Variants in ATXN8OS observed in about 807,000 individuals in gnomAD.
ATXN8OS encodes ATXN8 opposite strand lncRNA.
chr13:70,166,573 C>A (rs997355245), intron 4 of ATXN8OS, among the ~76,000 whole-genome samples: 20 of 152,004 alleles, frequency 1.3e-4, no homozygotes, highest in Non-Finnish European at 2.2e-4. Flanking sequence ...TAGAAGAAAA[C>A]GTAGGCAATA....
At chr13:70,163,039 T>A (rs1006154518) in intron 4 of ATXN8OS, among the ~76,000 whole-genome samples, 1 of 152,044 alleles carries the variant, frequency 6.6e-6, no homozygotes, top group Non-Finnish European at 1.5e-5. Context: ...CTCCCTTTTT[T>A]TTCCCATTTT....
intron 3 of ATXN8OS, among the ~76,000 whole-genome samples, chr13:70,132,187 A>G (rs1165719368): frequency 6.6e-6 from 1 of 152,148 alleles, no homozygotes; most frequent in Non-Finnish European, 1.5e-5. Context: ...TTACTGGACT[A>G]TTCACAATAG....
intron 2 of ATXN8OS, among the ~76,000 whole-genome samples, chr13:70,124,055 T>A (rs1332981461): frequency 6.6e-6 from 1 of 152,130 alleles, no homozygotes; most frequent in Non-Finnish European, 1.5e-5. Context: ...GAAAAGCATT[T>A]GTTATTAAAT....
At chr13:70,123,287 C>A (rs1208499252) in intron 2 of ATXN8OS, among the ~76,000 whole-genome samples, 1 of 152,048 alleles carries the variant, frequency 6.6e-6, no homozygotes, top group Admixed American at 6.6e-5. Context: ...TAACAATAAA[C>A]TCTTTAATGG....
chr13:70,147,795 A>C lies in ATXN8OS; in HGVS notation n.573+367A>C, dbSNP rs113921863. Among the ~76,000 whole-genome samples the C allele has an allele frequency of 6.6e-5, 10 of 152,252 alleles. 1 individual carries two copies. The highest frequency in any genetic ancestry group is 2.4e-4 in the African/African-American group (10 of 41,542). On this transcript the variant is annotated intron_variant and non_coding_transcript_variant, in intron 4 of 4. Transcript: ENST00000678624. ...CGGGAGGTCCTGAGAACATGTGCCC[A>C]AGATGATACAGCCTCGGGAGGTTCT... is the stretch of plus-strand genomic sequence containing the variant.
intron 4 of ATXN8OS, among the ~76,000 whole-genome samples, chr13:70,148,348 G>GC (rs1888817381): frequency 6.6e-6 from 1 of 151,416 alleles, no homozygotes; most frequent in Admixed American, 6.6e-5. Flanking sequence ...TCCATCAAGA[G>GC]TCGGGTTGGA....
intron 4 of ATXN8OS, among the ~76,000 whole-genome samples, chr13:70,148,130 A>C (rs1245943624): frequency 6.6e-6 from 1 of 152,124 alleles, no homozygotes; most frequent in Non-Finnish European, 1.5e-5. Flanking sequence ...CAGATAGAAT[A>C]GAGGGTGAAT....
intron 4 of ATXN8OS, among the ~76,000 whole-genome samples, chr13:70,159,687 G>A (rs572879298): frequency 6.6e-6 from 1 of 152,184 alleles, no homozygotes; most frequent in East Asian, 1.9e-4. Context: ...CGCTGTCTTT[G>A]TTGTAGCCAA....
intron 3 of ATXN8OS, among the ~76,000 whole-genome samples, chr13:70,136,673 G>T (rs749822013): frequency 1.6e-4 from 25 of 152,044 alleles, no homozygotes; most frequent in Non-Finnish European, 3.5e-4. Flanking sequence ...GAGAGAGAGA[G>T]AAAGTTTTGC....
intron 4 of ATXN8OS, among the ~76,000 whole-genome samples, chr13:70,156,081 C>CAGAA (rs1254820401): frequency 2.0e-5 from 3 of 151,908 alleles, no homozygotes; most frequent in Non-Finnish European, 4.4e-5. Flanking sequence ...ACTTTATGAA[C>CAGAA]AGAAAGAAAT....
intron 3 of ATXN8OS, among the ~76,000 whole-genome samples, chr13:70,137,242 T>C (rs1888631166): frequency 6.6e-6 from 1 of 152,224 alleles, no homozygotes; most frequent in Non-Finnish European, 1.5e-5. Context: ...CTTAATGCAA[T>C]TAAGATGTTT....
intron 1 of ATXN8OS, chr13:70,108,272 C>A: frequency 1.3e-5 from 5 of 376,378 alleles, no homozygotes; most frequent in Non-Finnish European, 2.3e-5. Flanking sequence ...CTGTCCCTGG[C>A]CTTTTCGAGG....
chr13:70,129,871 C>G, exon 3 of ATXN8OS: 1 of 398,388 alleles, frequency 2.5e-6, no homozygotes, highest in Non-Finnish European at 4.4e-6. Flanking sequence ...GGCTCAGAGT[C>G]AAGCGGGAAC....
At chr13:70,156,779 A>C (rs1009035084) in intron 4 of ATXN8OS, among the ~76,000 whole-genome samples, 7 of 152,146 alleles carry the variant, frequency 4.6e-5, no homozygotes, top group African/African-American at 1.7e-4. Context: ...TTAGCTTCAA[A>C]TTTTTATTTC....
At chr13:70,142,863 C>T (rs1173094451) in intron 3 of ATXN8OS, among the ~76,000 whole-genome samples, 3 of 152,118 alleles carry the variant, frequency 2.0e-5, no homozygotes, top group Non-Finnish European at 2.9e-5. Context: ...CACCTGAGGT[C>T]GGGATTTTGA....
intron 3 of ATXN8OS, chr13:70,131,582 C>T (rs889470878): frequency 2.5e-6 from 1 of 397,742 alleles, no homozygotes; most frequent in Non-Finnish European, 4.4e-6. Flanking sequence ...ACATTAAATA[C>T]TTTTTACCAC....
intron 4 of ATXN8OS, among the ~76,000 whole-genome samples, chr13:70,158,503 T>C (rs138620683): frequency 1.2e-4 from 19 of 152,284 alleles, no homozygotes; most frequent in African/African-American, 4.6e-4. Flanking sequence ...GCTGCCTCCA[T>C]CGGTCCCTTT....
intron 3 of ATXN8OS, among the ~76,000 whole-genome samples, chr13:70,133,463 G>A (rs1428709317): frequency 6.6e-6 from 1 of 152,116 alleles, no homozygotes; most frequent in Non-Finnish European, 1.5e-5. Context: ...GTAATGAAAA[G>A]TTTCTAATGG....
chr13:70,119,910 T>C (rs902391664), intron 2 of ATXN8OS, among the ~76,000 whole-genome samples: 1 of 78,070 alleles, frequency 1.3e-5, no homozygotes, highest in East Asian at 5.6e-4. Context: ...TATGCAAATA[T>C]TTCACAAAAA....
Sources: gnomAD v4.1 joint callset for allele counts (sites outside exome capture counted in the v4.1 genomes callset) on GRCh38, gnomAD v4.1.1 for gene constraint, MANE v1.5 for transcripts, NCBI Gene and HGNC (gene_info 2026-07-23, HGNC 2026-07-21) for gene names.